The following GHR variants were observed in gnomAD, a reference collection of about 807,000 sequenced individuals.
The protein encoded by GHR is growth hormone receptor, also known as GH receptor.
In GHR, 35 loss-of-function variants were observed where a neutral mutation model predicts 67.1. That is an observed-to-expected ratio of 0.52 (90% CI 0.40 to 0.69). GHR has a LOEUF of 0.69. Ranked by LOEUF, GHR falls within the 30% of genes least tolerant of loss-of-function variation. The pLI is 0.00. For synonymous variants in GHR, 272 were observed against 269.1 expected (o/e 1.01, Z -0.10); for missense variants, 792 against 764.6 (o/e 1.04, Z -0.42).
chr5:42,580,598 A>G (rs1045040621), intron 2 of GHR, among the ~76,000 whole-genome samples: 2 of 152,174 alleles, frequency 1.3e-5, no homozygotes, highest in Non-Finnish European at 2.9e-5. Context: ...AAGCCTCAGG[A>G]CCAGTCCTCA....
intron 4 of GHR, among the ~76,000 whole-genome samples, chr5:42,690,982 A>G (rs1757394923): frequency 6.6e-6 from 1 of 152,222 alleles, no homozygotes; most frequent in Non-Finnish European, 1.5e-5. Context: ...TTGCTACCTC[A>G]ATATTTACCA....
chr5:42,427,505 T>TGTGGG (rs1233888005), intron 1 of GHR, among the ~76,000 whole-genome samples: 7 of 152,196 alleles, frequency 4.6e-5, no homozygotes, highest in African/African-American at 1.4e-4. Context: ...ATGTGGGAAT[T>TGTGGG]ATGGGAACTA....
At chr5:42,700,025 A>C (rs752178563) in intron 6 of GHR, 23 bp downstream of exon 6, 2 of 1,457,722 alleles carry the variant, frequency 1.4e-6, no homozygotes. Flanking sequence ...TACACCTTAC[A>C]CTTTGACTTT....
intron 1 of GHR, among the ~76,000 whole-genome samples, chr5:42,515,520 A>G (rs1747198496): frequency 6.6e-6 from 1 of 152,262 alleles, no homozygotes; most frequent in South Asian, 2.1e-4. Context: ...AAAGAAGAGT[A>G]ATGGTCGACA....
chr5:42,429,740 C>T (rs1743009136), intron 1 of GHR, among the ~76,000 whole-genome samples: 1 of 152,158 alleles, frequency 6.6e-6, no homozygotes. Context: ...CAAGGAATAT[C>T]AACCCCAAAT....
rs544367489 is a variant in GHR at position 42,651,687 on chromosome 5, T to C, written c.136+22584T>C. ...AAACTGACATTATTAATCCAGAAGA[T>C]GGATGGTGGTTTTTTAATTAAAAGA... is the stretch of plus-strand genomic sequence containing the variant. On this transcript the variant is annotated intron_variant, in intron 3 of 9. Transcript: ENST00000230882. 2.6e-5 allele frequency among the ~76,000 whole-genome samples: 4 copies of C among 152,286 alleles called. No individual in the cohort carries two copies. The South Asian group carries it at 8.3e-4, about 32-fold the overall frequency.
At chr5:42,579,068 T>TGACACTATAGATAGATA (rs1750929183) in intron 2 of GHR, among the ~76,000 whole-genome samples, 1 of 142,412 alleles carries the variant, frequency 7.0e-6, no homozygotes, top group Non-Finnish European at 1.5e-5. Context: ...ACTCTAAATC[T>TGACACTATAGATAGATA]GACACTATAG....
chr5:42,499,558 AGTT>A (rs762633203), intron 1 of GHR, among the ~76,000 whole-genome samples: 4 of 152,144 alleles, frequency 2.6e-5, no homozygotes, highest in African/African-American at 7.2e-5. Context: ...CCCATGACAA[AGTT>A]GTTGTTGTTG....
intron 3 of GHR, among the ~76,000 whole-genome samples, chr5:42,676,698 C>G (rs558045376): frequency 8.5e-5 from 13 of 152,156 alleles, no homozygotes; most frequent in Non-Finnish European, 1.3e-4. Context: ...AATTACAGAT[C>G]TCTTTTACCA....
At chr5:42,598,161 G>A (rs1302450414) in intron 2 of GHR, among the ~76,000 whole-genome samples, 4 of 152,102 alleles carry the variant, frequency 2.6e-5, no homozygotes, top group African/African-American at 9.7e-5. Context: ...ACAAAGTGTA[G>A]GAATGTGAAA....
At chr5:42,485,286 C>T (rs1398631110) in intron 1 of GHR, among the ~76,000 whole-genome samples, 1 of 152,190 alleles carries the variant, frequency 6.6e-6, no homozygotes, top group African/African-American at 2.4e-5. Context: ...CTCACCCTTC[C>T]TGGTCTAGCT....
At chr5:42,574,469 G>C (rs938182402) in intron 2 of GHR, among the ~76,000 whole-genome samples, 1 of 152,220 alleles carries the variant, frequency 6.6e-6, no homozygotes, top group African/African-American at 2.4e-5. Context: ...AGACTGAATA[G>C]TTTCTAAGAG....
At chr5:42,495,082 C>G (rs1746265309) in intron 1 of GHR, among the ~76,000 whole-genome samples, 1 of 151,890 alleles carries the variant, frequency 6.6e-6, no homozygotes, top group Non-Finnish European at 1.5e-5. Flanking sequence ...CCCACGCCCC[C>G]CCCCCATTTT....
intron 2 of GHR, among the ~76,000 whole-genome samples, chr5:42,571,507 A>G (rs1283274297): frequency 6.6e-6 from 1 of 152,198 alleles, no homozygotes; most frequent in Non-Finnish European, 1.5e-5. Context: ...ATGCAGGATG[A>G]GTTGAGAACA....
intron 1 of GHR, among the ~76,000 whole-genome samples, chr5:42,562,395 C>T (rs984584562): frequency 1.5e-4 from 23 of 152,136 alleles, no homozygotes; most frequent in African/African-American, 5.1e-4. Flanking sequence ...AATCCATCCA[C>T]ATTTTTTTAT....
chr5:42,554,265 A>G (rs887207410), intron 1 of GHR, among the ~76,000 whole-genome samples: 3 of 152,156 alleles, frequency 2.0e-5, no homozygotes, highest in Non-Finnish European at 2.9e-5. Context: ...TTTTGGAGAT[A>G]AAGAAGTTGA....
At chr5:42,440,885 C>G (rs745494621) in intron 1 of GHR, among the ~76,000 whole-genome samples, 22 of 152,124 alleles carry the variant, frequency 1.4e-4, no homozygotes, top group Non-Finnish European at 2.5e-4. Flanking sequence ...GCTTCTTCAA[C>G]TGAGTGGAAA....
At chr5:42,709,969 T>C (rs1291203662) in intron 6 of GHR, among the ~76,000 whole-genome samples, 1 of 151,918 alleles carries the variant, frequency 6.6e-6, no homozygotes, top group Non-Finnish European at 1.5e-5. Flanking sequence ...TTTGATCCTA[T>C]TAGTGAAATC....
chr5:42,534,289 CATGTGTAT>C (rs1467693885), intron 1 of GHR, among the ~76,000 whole-genome samples: 1 of 56,324 alleles, frequency 1.8e-5, no homozygotes, highest in Non-Finnish European at 3.8e-5. Context: ...TATATATGTA[CATGTGTAT>C]ATGTGTATAT....
Sources: allele counts gnomAD v4.1 joint callset (sites outside exome capture counted in the v4.1 genomes callset), GRCh38; gene constraint gnomAD v4.1.1; transcripts MANE v1.5; gene names NCBI Gene and HGNC (gene_info 2026-07-23, HGNC 2026-07-21).